ABTB3: variants seen among roughly 807,000 people sequenced by gnomAD.
The protein encoded by ABTB3 is ankyrin repeat and BTB domain containing 3, also known as ankyrin repeat- and BTB/POZ domain-containing protein 3.
At chr12:107,578,435 A>T in the ABTB3 span, among the ~76,000 whole-genome samples, 1 of 115,898 alleles carries the variant, frequency 8.6e-6, no homozygotes, top group Non-Finnish European at 1.6e-5. Flanking sequence ...GGCATTCACC[A>T]GGCATTGGCC....
chr12:107,490,113 C>A, the ABTB3 span, among the ~76,000 whole-genome samples: 1 of 152,198 alleles, frequency 6.6e-6, no homozygotes, highest in East Asian at 1.9e-4. Context: ...CTAATTATAT[C>A]TTTCTCCAGG....
the ABTB3 span, among the ~76,000 whole-genome samples, chr12:107,538,089 T>C: frequency 6.6e-6 from 1 of 152,014 alleles, no homozygotes; most frequent in Admixed American, 6.5e-5. Flanking sequence ...AGAATGCCAC[T>C]ACCAACAGAT....
At chr12:107,371,723 G>A in the ABTB3 span, among the ~76,000 whole-genome samples, 3 of 152,124 alleles carry the variant, frequency 2.0e-5, no homozygotes, top group Non-Finnish European at 4.4e-5. Flanking sequence ...TGAAGAGGAA[G>A]GCCATAATTC....
chr12:107,444,708 A>G, the ABTB3 span, among the ~76,000 whole-genome samples: 1 of 152,230 alleles, frequency 6.6e-6, no homozygotes, highest in East Asian at 1.9e-4. Context: ...ATGTGCCCCA[A>G]GATGTTTGGC....
At chr12:107,364,804 G>A in the ABTB3 span, among the ~76,000 whole-genome samples, 3 of 152,180 alleles carry the variant, frequency 2.0e-5, no homozygotes, top group African/African-American at 7.2e-5. Context: ...TGCAGTACGT[G>A]TAAGTGCAAG....
At chr12:107,529,287 ATGATGG>A in the ABTB3 span, among the ~76,000 whole-genome samples, 2 of 150,558 alleles carry the variant, frequency 1.3e-5, no homozygotes, top group African/African-American at 4.9e-5. Flanking sequence ...GATGGTGATG[ATGATGG>A]TGATGGTGAT....
chr12:107,519,575 C>T, the ABTB3 span, among the ~76,000 whole-genome samples: 3 of 152,272 alleles, frequency 2.0e-5, no homozygotes, highest in East Asian at 5.8e-4. Context: ...TCCCTGGCCT[C>T]CCAAATTGCT....
the ABTB3 span, among the ~76,000 whole-genome samples, chr12:107,533,255 G>A: frequency 1.3e-5 from 2 of 152,026 alleles, no homozygotes; most frequent in African/African-American, 4.8e-5. Context: ...CAAAATGACA[G>A]GAATAAGTTT....
chr12:107,648,527 A>G, the ABTB3 span, among the ~76,000 whole-genome samples: 1 of 152,166 alleles, frequency 6.6e-6, no homozygotes, highest in Non-Finnish European at 1.5e-5. Context: ...CATTCCATTC[A>G]AGGGACACCA....
At chr12:107,545,659 A>C in the ABTB3 span, among the ~76,000 whole-genome samples, 3 of 152,214 alleles carry the variant, frequency 2.0e-5, no homozygotes, top group Non-Finnish European at 4.4e-5. Flanking sequence ...CATCCACAAC[A>C]AATCAGTCAG....
At chr12:107,324,569 G>A in the ABTB3 span, among the ~76,000 whole-genome samples, 4 of 152,168 alleles carry the variant, frequency 2.6e-5, no homozygotes, top group Non-Finnish European at 4.4e-5. Context: ...AGAGGCACCA[G>A]GAAACTTTCT....
the ABTB3 span, chr12:107,650,919 A>T: frequency 6.6e-6 from 1 of 152,224 alleles, no homozygotes; most frequent in Admixed American, 6.5e-5. Flanking sequence ...AATAATTTTA[A>T]CTAAAAATAA....
chr12:107,382,874 T>G, the ABTB3 span, among the ~76,000 whole-genome samples: 1 of 152,132 alleles, frequency 6.6e-6, no homozygotes, highest in African/African-American at 2.4e-5. Context: ...CAAACCTGCA[T>G]GTTCTGCACG....
At chr12:107,487,162 A>G in the ABTB3 span, among the ~76,000 whole-genome samples, 1 of 152,286 alleles carries the variant, frequency 6.6e-6, no homozygotes, top group African/African-American at 2.4e-5. Flanking sequence ...GCTCAGACAC[A>G]CAGAGAAGGG....
the ABTB3 span, among the ~76,000 whole-genome samples, chr12:107,522,872 A>G: frequency 6.6e-6 from 1 of 152,038 alleles, no homozygotes; most frequent in African/African-American, 2.4e-5. Context: ...AGGAAGGGAT[A>G]ATCAAGGTTG....
chr12:107,483,074 G>C, the ABTB3 span, among the ~76,000 whole-genome samples: 1 of 150,266 alleles, frequency 6.7e-6, no homozygotes, highest in Non-Finnish European at 1.5e-5. Flanking sequence ...CCAGGCTGGA[G>C]TACAGTGATG....
At chr12:107,608,225 C>T in the ABTB3 span, among the ~76,000 whole-genome samples, 44 of 152,312 alleles carry the variant, frequency 2.9e-4, no homozygotes, top group East Asian at 3.7e-3. Context: ...CTCAGCCCCT[C>T]GTCACTTCAC....
At chr12:107,329,309 T>C in the ABTB3 span, among the ~76,000 whole-genome samples, 1 of 151,620 alleles carries the variant, frequency 6.6e-6, no homozygotes, top group Non-Finnish European at 1.5e-5. Context: ...CAGGTGATCT[T>C]GGGCAAGTCA....
the ABTB3 span, chr12:107,618,218 G>A: frequency 6.2e-7 from 1 of 1,614,104 alleles, no homozygotes; most frequent in Non-Finnish European, 8.5e-7. Context: ...TCCTGTCCCT[G>A]GAGGAGATTC....
Sources: allele counts gnomAD v4.1 joint callset (sites outside exome capture counted in the v4.1 genomes callset), GRCh38; gene constraint gnomAD v4.1.1; transcripts MANE v1.5; gene names NCBI Gene and HGNC (gene_info 2026-07-23, HGNC 2026-07-21).